ITGAV: variants seen among roughly 807,000 people sequenced by gnomAD.
The protein encoded by ITGAV is integrin subunit alpha V.
ITGAV carries 76 observed loss-of-function variants against 143.8 expected under a neutral mutation model. The ratio of observed to expected loss-of-function variants is 0.53; its 90% CI spans 0.44 to 0.64. The LOEUF is 0.64. Ranked by LOEUF, ITGAV falls within the 30% of genes least tolerant of loss-of-function variation. ITGAV has a pLI of 0.00. For synonymous variants in ITGAV, 453 were observed against 446.7 expected, an observed-to-expected ratio of 1.01 and a Z score of -0.18; for missense variants, 1,193 against 1,274.7, an observed-to-expected ratio of 0.94 and a Z score of 0.98.
intron 8 of ITGAV, among the ~76,000 whole-genome samples, 159 bp downstream of exon 8, chr2:186,637,268 G>A (rs1687971001): frequency 6.6e-6 from 1 of 152,036 alleles, no homozygotes; most frequent in African/African-American, 2.4e-5. Flanking sequence ...GATCCCTTGA[G>A]CCCTGGAGTT....
rs1207972020 is a variant in ITGAV, at chr2:186,677,702, T to G, written c.*410T>G. 1 of 171,760 alleles carries G rather than the reference T, an allele frequency of 5.8e-6. No homozygotes were observed. Among genetic ancestry groups the G allele is most frequent in the African/African-American group, 2.4e-5 (1 of 41,626 alleles). 10.6% of individuals were successfully genotyped at this position (171,760 alleles called of 1,614,324 possible). A position where few individuals can be genotyped will look rare whatever the true frequency, so the allele number is the denominator to read the frequency against. The stretch of plus-strand genomic sequence containing the variant: ...GCAGTCCAAATTTGGACCTTAGCAA[T>G]CATGTCTTTTGTATAGGTACTTAAT... On this transcript the variant is annotated 3_prime_UTR_variant, in exon 30 of 30. Coordinates refer to ENST00000261023, the MANE Select transcript of ITGAV (RefSeq NM_002210.5).
chr2:186,661,661 A>G (rs1029811225), intron 18 of ITGAV, among the ~76,000 whole-genome samples: 2 of 149,694 alleles, frequency 1.3e-5, no homozygotes, highest in Non-Finnish European at 2.9e-5. Context: ...CAGTGGCGCA[A>G]TCTTGGCTCA....
chr2:186,630,957 G>A, intron 5 of ITGAV, 99 bp downstream of exon 5: 2 of 584,402 alleles, frequency 3.4e-6, no homozygotes, highest in Non-Finnish European at 6.2e-6. Flanking sequence ...CTTTACAGCT[G>A]TTAGCTCTTT....
intron 26 of ITGAV, among the ~76,000 whole-genome samples, chr2:186,672,507 A>G (rs1689094537): frequency 6.6e-6 from 1 of 152,184 alleles, no homozygotes; most frequent in Non-Finnish European, 1.5e-5. Context: ...CTATTTTCCA[A>G]AGTTGCTGCA....
rs1047022479 is a variant in ITGAV, at chr2:186,677,553, A to G, written c.*261A>G. 3 of 314,352 alleles carry G rather than the reference A, an allele frequency of 9.5e-6. No homozygotes were observed. The highest frequency in any genetic ancestry group is 9.7e-4 in the Middle Eastern group (1 of 1,026). 19.5% of individuals were successfully genotyped at this position (314,352 alleles called of 1,614,324 possible). ...AAGGGATAGTTTTTATTCAATGTAT[A>G]TAAGACAGGTAGTGCCTGATTTACT... On this transcript the variant is annotated 3_prime_UTR_variant, in exon 30 of 30. Coordinates refer to ENST00000261023, the MANE Select transcript of ITGAV (RefSeq NM_002210.5).
intron 2 of ITGAV, among the ~76,000 whole-genome samples, chr2:186,616,782 C>T (rs1687376688): frequency 6.6e-6 from 1 of 152,006 alleles, no homozygotes; most frequent in African/African-American, 2.4e-5. Flanking sequence ...AGCATATAGA[C>T]ATAGGAGGTA....
chr2:186,615,077 T>C (rs569980839), intron 2 of ITGAV, among the ~76,000 whole-genome samples: 1 of 152,240 alleles, frequency 6.6e-6, no homozygotes, highest in South Asian at 2.1e-4. Context: ...TTTTTGGTTT[T>C]GGATATTTTA....
At chr2:186,666,664 G>C in intron 21 of ITGAV, 40 bp from the exon 22 acceptor site, 1 of 1,190,474 alleles carries the variant, frequency 8.4e-7, no homozygotes, top group South Asian at 1.8e-5. Flanking sequence ...TTGCTAATTA[G>C]ACATTGACTA....
chr2:186,652,689 A>G (rs901777035), intron 15 of ITGAV, among the ~76,000 whole-genome samples: 15 of 152,212 alleles, frequency 9.9e-5, no homozygotes, highest in Non-Finnish European at 1.9e-4. Context: ...AAACAGGCCC[A>G]TGAACACTTA....
rs1362076649 is a variant in ITGAV at position 186,675,830 on chromosome 2, A to G, written c.2831A>G (p.Gln944Arg). The G allele has an allele frequency of 2.5e-6, 4 of 1,599,172 alleles. No homozygotes were observed. The highest frequency in any genetic ancestry group is 3.4e-6 in the Non-Finnish European group (4 of 1,170,244). Residue 944 changes from glutamine (Q) to arginine (R), a missense_variant, in exon 28 of 30, where the codon CAG becomes CGG. Gln to Arg is a conservative substitution (Grantham distance 43). Coordinates refer to ENST00000261023, the MANE Select transcript of ITGAV (RefSeq NM_002210.5). ...WTETFMNKEN[Q>R]NHSYSLKSSA... Reference sequence around the variant, plus strand: ...GTTATTTCCAAACAGAAAGAAAATCAGAATCATTCCTATTCTCTGAAGTCG... The same window carrying G: ...GTTATTTCCAAACAGAAAGAAAATCGGAATCATTCCTATTCTCTGAAGTCG...
intron 15 of ITGAV, among the ~76,000 whole-genome samples, chr2:186,653,107 G>A (rs1025041914): frequency 2.6e-5 from 4 of 151,500 alleles, no homozygotes; most frequent in Non-Finnish European, 4.4e-5. Flanking sequence ...CAACACGCCC[G>A]GCTAATTTTT....
intron 26 of ITGAV, among the ~76,000 whole-genome samples, chr2:186,672,881 T>C (rs1689104246): frequency 6.6e-6 from 1 of 152,230 alleles, no homozygotes; most frequent in African/African-American, 2.4e-5. Context: ...CTTTTTACTT[T>C]CTTGATGGTG....
In ITGAV at chr2:186,680,470, G is replaced by A. The variant is rs1004932851; in HGVS notation, c.*3178G>A. On this transcript the variant is annotated 3_prime_UTR_variant, in exon 30 of 30. Transcript: ENST00000261023. ...ATGTTTTTTGTCATTGTTCTCAAGTGCAATATAACAATGTAACCAAATCTA... is the reference window on the plus strand; with the variant it reads ...ATGTTTTTTGTCATTGTTCTCAAGTACAATATAACAATGTAACCAAATCTA... 8 of 152,410 alleles carry A rather than the reference G, an allele frequency of 5.2e-5. No individual in the cohort carries two copies. Among genetic ancestry groups the A allele is most frequent in the African/African-American group, 1.9e-4 (8 of 41,410 alleles). The allele number at this position is 152,410 out of a possible 1,614,324, so 9.4% of individuals were successfully genotyped here.
rs538403159 is a variant in ITGAV, at chr2:186,617,908, G to A, written c.317-4431G>A. Among the ~76,000 whole-genome samples, 54 of 152,292 alleles carry A rather than the reference G, an allele frequency of 3.5e-4. No individual in the cohort carries two copies. The South Asian group carries it at 6.4e-3, about 18-fold the overall frequency. The stretch of plus-strand genomic sequence containing the variant: ...AGCCCTTGAGTTTCTGCAGTTGTCT[G>A]TGTCCTGTTTCCTTTTCAAGTGTGT... On this transcript the variant is annotated intron_variant, in intron 2 of 29. Transcript: ENST00000261023.
intron 10 of ITGAV, among the ~76,000 whole-genome samples, chr2:186,638,962 C>G (rs1310447227): frequency 8.0e-6 from 1 of 125,252 alleles, no homozygotes; most frequent in Non-Finnish European, 1.7e-5. Flanking sequence ...CTTCCTTTTT[C>G]TTTACTGAAA....
In ITGAV at chr2:186,641,548, C is replaced by T. The variant is rs1355741328; in HGVS notation, c.1119C>T (p.Ala373=). The stretch of plus-strand genomic sequence containing the variant: ...AGGTCTTTGCACGGTTTGGCAGTGC[C>T]ATAGCTCCTTTGGGAGATCTGGACC... ...GFEVFARFGS[A]IAPLGDLDQD... is the part of the protein sequence containing the mutation. Residue 373 remains alanine (A), a synonymous_variant, in exon 12 of 30, where the codon GCC becomes GCT. Coordinates refer to ENST00000261023, the MANE Select transcript of ITGAV (RefSeq NM_002210.5). 1 of 1,614,100 alleles carries T rather than the reference C, an allele frequency of 6.2e-7. No individual in the cohort carries two copies.
At chr2:186,668,627 TA>T (rs1688979477) in intron 24 of ITGAV, 134 bp from the exon 25 acceptor site, 1 of 700,994 alleles carries the variant, frequency 1.4e-6, no homozygotes, top group Non-Finnish European at 2.5e-6. Flanking sequence ...GGTCACATTG[TA>T]ATTAGAGGTT....
chr2:186,631,693 G>T (rs1240642535), intron 5 of ITGAV, among the ~76,000 whole-genome samples: 3 of 152,100 alleles, frequency 2.0e-5, no homozygotes, highest in Non-Finnish European at 4.4e-5. Context: ...AACTGAAATT[G>T]AAATAATATG....
chr2:186,655,325 G>T (rs186064826), intron 16 of ITGAV, among the ~76,000 whole-genome samples: 9 of 152,288 alleles, frequency 5.9e-5, no homozygotes, highest in African/African-American at 1.9e-4. Flanking sequence ...GTGTGTTTGT[G>T]TGTGAAAGTT....
Sources: allele counts gnomAD v4.1 joint callset (sites outside exome capture counted in the v4.1 genomes callset), GRCh38; gene constraint gnomAD v4.1.1; transcripts MANE v1.5; gene names NCBI Gene and HGNC (gene_info 2026-07-23, HGNC 2026-07-21).